Variants in SEMA6D observed in about 807,000 individuals in gnomAD.
SEMA6D encodes the protein semaphorin 6D.
In SEMA6D, 35 loss-of-function variants were observed where a neutral mutation model predicts 106.6. The ratio of observed to expected loss-of-function variants is 0.33; its 90% CI spans 0.25 to 0.44. The LOEUF is 0.44. SEMA6D is among the 20% of genes least tolerant of loss of function. SEMA6D has a pLI of 1.00. For synonymous variants in SEMA6D, 499 were observed against 487.7 expected, an observed-to-expected ratio of 1.02 and a Z score of -0.31; for missense variants, 1,185 against 1,345.9, an observed-to-expected ratio of 0.88 and a Z score of 1.87.
chr15:47,510,625 A>G (rs2044196743), intron 3 of SEMA6D, among the ~76,000 whole-genome samples: 1 of 152,238 alleles, frequency 6.6e-6, no homozygotes. Context: ...TAAGATAATT[A>G]CCAAACAACA....
At chr15:47,502,004 A>G (rs12439521) in intron 3 of SEMA6D, among the ~76,000 whole-genome samples, 14,324 of 152,102 alleles carry the variant, frequency 0.094, 968 homozygotes, top group East Asian at 0.32. Context: ...CCAGAAGGTA[A>G]TTTTGGCTTC....
At chr15:47,679,127 G>C (rs2078299513) in intron 4 of SEMA6D, among the ~76,000 whole-genome samples, 2 of 152,174 alleles carry the variant, frequency 1.3e-5, no homozygotes, top group Admixed American at 1.3e-4. Context: ...TGCTGCTGCT[G>C]CAAATAAGTG....
intron 3 of SEMA6D, among the ~76,000 whole-genome samples, chr15:47,511,948 G>C (rs1270365968): frequency 1.3e-5 from 2 of 152,152 alleles, no homozygotes; most frequent in African/African-American, 4.8e-5. Flanking sequence ...GTGAGAAAAA[G>C]TTTTAGTCTT....
intron 1 of SEMA6D, among the ~76,000 whole-genome samples, chr15:47,735,134 A>G (rs1478286230): frequency 6.6e-6 from 1 of 152,182 alleles, no homozygotes; most frequent in African/African-American, 2.4e-5. Flanking sequence ...TTTTCAGCCC[A>G]AGAAGTTTTG....
chr15:47,486,186 T>C (rs1348016764), intron 3 of SEMA6D, among the ~76,000 whole-genome samples: 1 of 152,196 alleles, frequency 6.6e-6, no homozygotes, highest in Non-Finnish European at 1.5e-5. Context: ...TTGCAAACAA[T>C]CTCAGCCTAT....
intron 3 of SEMA6D, among the ~76,000 whole-genome samples, chr15:47,585,032 G>A (rs2076313770): frequency 1.3e-5 from 2 of 152,144 alleles, no homozygotes; most frequent in Admixed American, 1.3e-4. Flanking sequence ...GGTGTCCATC[G>A]TCTTTCTGCC....
chr15:47,670,704 T>C (rs1157325633), intron 4 of SEMA6D, among the ~76,000 whole-genome samples: 2 of 152,192 alleles, frequency 1.3e-5, no homozygotes, highest in East Asian at 3.9e-4. Context: ...TCCACACTTA[T>C]AAATCCTCTC....
At chr15:47,584,211 T>A (rs750078534) in intron 3 of SEMA6D, among the ~76,000 whole-genome samples, 1 of 152,158 alleles carries the variant, frequency 6.6e-6, no homozygotes, top group Non-Finnish European at 1.5e-5. Flanking sequence ...TCACCTGAGT[T>A]AAGGAGTTCG....
At chr15:47,695,636 C>T (rs933943757) in intron 4 of SEMA6D, among the ~76,000 whole-genome samples, 8 of 151,978 alleles carry the variant, frequency 5.3e-5, no homozygotes, top group African/African-American at 1.9e-4. Context: ...ATCAAAATTT[C>T]CAAAGAAATA....
intron 2 of SEMA6D, among the ~76,000 whole-genome samples, chr15:47,442,165 G>C (rs569032811): frequency 6.6e-6 from 1 of 152,146 alleles, no homozygotes; most frequent in South Asian, 2.1e-4. Flanking sequence ...TTCCACTCAA[G>C]TGTTTAAAAT....
At chr15:47,473,490 C>A (rs542342607) in intron 3 of SEMA6D, among the ~76,000 whole-genome samples, 33 of 152,170 alleles carry the variant, frequency 2.2e-4, no homozygotes, top group African/African-American at 7.7e-4. Flanking sequence ...TCACATTACA[C>A]ACTCTGAAAG....
chr15:47,505,801 G>A (rs1797222), intron 3 of SEMA6D, among the ~76,000 whole-genome samples: 2 of 152,104 alleles, frequency 1.3e-5, no homozygotes. Context: ...TGGATCATCC[G>A]TTATCATATT....
At chr15:47,445,641 C>A (rs1464783053) in intron 2 of SEMA6D, among the ~76,000 whole-genome samples, 1 of 151,972 alleles carries the variant, frequency 6.6e-6, no homozygotes, top group Non-Finnish European at 1.5e-5. Flanking sequence ...CTATGTGTTA[C>A]CTATTGCTGA....
intron 1 of SEMA6D, among the ~76,000 whole-genome samples, chr15:47,334,010 A>C (rs1469098750): frequency 6.6e-6 from 1 of 152,200 alleles, no homozygotes; most frequent in East Asian, 1.9e-4. Context: ...AGAGAGGCCA[A>C]GAAAGATCTG....
intron 2 of SEMA6D, among the ~76,000 whole-genome samples, chr15:47,450,329 G>A (rs1325607395): frequency 6.6e-6 from 1 of 151,958 alleles, no homozygotes; most frequent in Admixed American, 6.6e-5. Context: ...AGATGATACT[G>A]GAATGCAATG....
At chr15:47,461,776 G>A (rs2042519899) in intron 2 of SEMA6D, among the ~76,000 whole-genome samples, 1 of 152,020 alleles carries the variant, frequency 6.6e-6, no homozygotes, top group South Asian at 2.1e-4. Context: ...CCGACAGATA[G>A]TCCCAAAGGG....
chr15:47,570,686 C>T (rs571788460), intron 3 of SEMA6D, among the ~76,000 whole-genome samples: 1 of 152,284 alleles, frequency 6.6e-6, no homozygotes, highest in Admixed American at 6.5e-5. Context: ...GATCTTCCCT[C>T]CACTACCCGA....
intron 4 of SEMA6D, among the ~76,000 whole-genome samples, chr15:47,663,583 A>T (rs2077968800): frequency 6.6e-6 from 1 of 152,216 alleles, no homozygotes; most frequent in Admixed American, 6.5e-5. Flanking sequence ...TTAGCATCAT[A>T]GAATATTAGA....
chr15:47,570,066 A>G (rs1409912206), intron 3 of SEMA6D, among the ~76,000 whole-genome samples: 1 of 152,134 alleles, frequency 6.6e-6, no homozygotes. Context: ...CATCTCAAAA[A>G]AAAAAAAGAT....
Sources: gnomAD v4.1 joint callset for allele counts (sites outside exome capture counted in the v4.1 genomes callset) on GRCh38, gnomAD v4.1.1 for gene constraint, MANE v1.5 for transcripts, NCBI Gene and HGNC (gene_info 2026-07-23, HGNC 2026-07-21) for gene names.